The following STARD10 variants were observed in gnomAD, a reference collection of about 807,000 sequenced individuals.
STARD10 encodes the protein StAR related lipid transfer domain containing 10, also known as START domain-containing protein 10.
A neutral mutation model predicts 36.0 loss-of-function variants in STARD10; 24 were observed. The ratio of observed to expected loss-of-function variants is 0.67; its 90% CI spans 0.48 to 0.94. The LOEUF is 0.94. Among genes scored for constraint, STARD10 ranks in the 40% least tolerant of loss-of-function variants. STARD10 has a pLI of 0.00. For missense variants in STARD10, 335 were observed against 396.6 expected (o/e 0.84, Z 1.32); for synonymous variants, 156 against 161.9 (o/e 0.96, Z 0.28).
intron 4 of STARD10, 52 bp downstream of exon 4, chr11:72,758,478 C>T (rs969562182): frequency 4.2e-5 from 62 of 1,476,012 alleles, no homozygotes; most frequent in Non-Finnish European, 5.1e-5. Flanking sequence ...CTCAGCCTTG[C>T]GCTGCCTGAC....
chr11:72,786,369 G>GA (rs376041069), intron 1 of STARD10, among the ~76,000 whole-genome samples: 4 of 151,488 alleles, frequency 2.6e-5, no homozygotes, highest in African/African-American at 7.3e-5. Flanking sequence ...AAAAAAAAAG[G>GA]AAAAAAAAGG....
chr11:72,755,009 T>A lies in STARD10; in HGVS notation c.764A>T (p.Gln255Leu). 7 of 1,613,230 alleles carry A rather than the reference T, an allele frequency of 4.3e-6. No homozygotes were observed. The highest frequency in any genetic ancestry group is 5.1e-6 in the Non-Finnish European group (6 of 1,179,752). ...GATGTTCTCCAGTGAGTCCGCATGCTGCACCGACAGCTCCGACAGCGCCAG... is the reference window on the plus strand; with the variant it reads ...GATGTTCTCCAGTGAGTCCGCATGCAGCACCGACAGCTCCGACAGCGCCAG... ...PSLALSELSV[Q>L]HADSLENIDE... Residue 255 changes from glutamine to leucine, a missense_variant, in exon 7 of 7, where the codon CAG (glutamine) becomes CTG (leucine). By Grantham distance (113) the Gln-to-Leu change is moderately radical. Coordinates refer to ENST00000334805, the MANE Select transcript of STARD10 (RefSeq NM_006645.3).
chr11:72,755,767 G>C lies in STARD10; in HGVS notation c.578-14C>G, dbSNP rs1489355846. The C allele has an allele frequency of 6.2e-7, 1 of 1,607,814 alleles. No individual in the cohort carries two copies. The highest frequency in any genetic ancestry group is 2.2e-5 in the East Asian group (1 of 44,792). The stretch of plus-strand genomic sequence containing the variant: ...TGGGTAAGGAGCCTGTGAGGGCAGG[G>C]AAGGGAGGAAGCAGCCTCAGGGACC... On this transcript the variant is annotated splice_polypyrimidine_tract_variant and intron_variant, in intron 5 of 6. Coordinates refer to ENST00000334805, the MANE Select transcript of STARD10 (RefSeq NM_006645.3).
chr11:72,760,409 G>A (rs1459213470), intron 2 of STARD10, among the ~76,000 whole-genome samples: 1 of 151,986 alleles, frequency 6.6e-6, no homozygotes, highest in Admixed American at 6.6e-5. Flanking sequence ...TGTATTTTTA[G>A]TAGAGACGGG....
At chr11:72,789,198 T>C (rs1859112044) in intron 1 of STARD10, among the ~76,000 whole-genome samples, 1 of 152,168 alleles carries the variant, frequency 6.6e-6, no homozygotes, top group South Asian at 2.1e-4. Flanking sequence ...GTCATGACAA[T>C]GAGGATGAAG....
rs1591261479 is a variant in STARD10, at chr11:72,754,819, G to C, written c.*78C>G. On this transcript the variant is annotated 3_prime_UTR_variant, in exon 7 of 7. Coordinates refer to ENST00000334805, the MANE Select transcript of STARD10 (RefSeq NM_006645.3). ...CCGGTGCCACCAGGTGCCGGGTGGG[G>C]GAGGGGAGAAAGTGCAGGAGCGGCC... 6.5e-7 allele frequency: 1 copy of C among 1,539,046 alleles called. No individual in the cohort carries two copies. Among genetic ancestry groups the C allele is most frequent in the East Asian group, 2.4e-5 (1 of 41,704 alleles).
chr11:72,782,977 T>A (rs934566329), intron 1 of STARD10, among the ~76,000 whole-genome samples: 3 of 152,256 alleles, frequency 2.0e-5, no homozygotes, highest in Non-Finnish European at 4.4e-5. Context: ...CGCTGCCTCC[T>A]CCTCTCTGGT....
chr11:72,768,139 CA>C (rs755518518), intron 2 of STARD10, among the ~76,000 whole-genome samples: 14 of 152,258 alleles, frequency 9.2e-5, no homozygotes, highest in Non-Finnish European at 1.9e-4. Flanking sequence ...TCTACCCTCA[CA>C]GCCCACAGCC....
chr11:72,756,830 G>T (rs116175338), intron 5 of STARD10, among the ~76,000 whole-genome samples: 48,137 of 151,650 alleles, frequency 0.32, 8,740 homozygotes, highest in African/African-American at 0.48. Flanking sequence ...GAACTGCCGA[G>T]GAGGAGGCAG....
At chr11:72,755,197 C>G in intron 6 of STARD10, 55 bp from the exon 7 acceptor site, 4 of 1,544,046 alleles carry the variant, frequency 2.6e-6, no homozygotes, top group Non-Finnish European at 3.5e-6. Flanking sequence ...AGGTCTTCTC[C>G]ACACCCCCCT....
intron 2 of STARD10, among the ~76,000 whole-genome samples, chr11:72,768,247 GC>G (rs556748888): frequency 1.1e-3 from 163 of 152,206 alleles, no homozygotes; most frequent in Non-Finnish European, 1.8e-3. Context: ...CAGCGCCAGT[GC>G]CCCTCTGCTC....
chr11:72,792,552 G>T (rs927262356), intron 1 of STARD10, among the ~76,000 whole-genome samples: 7 of 151,982 alleles, frequency 4.6e-5, no homozygotes, highest in African/African-American at 1.7e-4. Context: ...AAGGGTCAGA[G>T]AAAAGTCCCC....
At position 72,793,746 on chromosome 11, in the gene STARD10, G is replaced by A. The variant is rs1291616350; in HGVS notation, c.-985C>T. The A allele has an allele frequency of 6.6e-6, 1 of 152,178 alleles. No homozygotes were observed. Among genetic ancestry groups the A allele is most frequent in the Non-Finnish European group, 1.5e-5 (1 of 68,018 alleles). 9.4% of individuals were successfully genotyped at this position (152,178 alleles called of 1,614,324 possible). On this transcript the variant is annotated 5_prime_UTR_variant, in exon 1 of 7. Coordinates refer to ENST00000334805, the MANE Select transcript of STARD10 (RefSeq NM_006645.3). ...GTGTTTACAGCGGCCGCGAAGCCCC[G>A]CGTTTGCGCGTGCGCTTCCCGCCCG...
intron 2 of STARD10, among the ~76,000 whole-genome samples, chr11:72,761,927 T>C (rs1269328535): frequency 7.5e-6 from 1 of 133,216 alleles, no homozygotes; most frequent in Non-Finnish European, 1.6e-5. Context: ...CTTTTTTTTT[T>C]TTTTTTTTTT....
At chr11:72,780,859 C>G in intron 2 of STARD10, 116 bp downstream of exon 2, 1 of 1,119,202 alleles carries the variant, frequency 8.9e-7, no homozygotes, top group Non-Finnish European at 1.3e-6. Context: ...TGGAAGGAGA[C>G]TCTCTCTGGG....
At chr11:72,760,195 C>T (rs904557153) in intron 2 of STARD10, among the ~76,000 whole-genome samples, 2 of 151,648 alleles carry the variant, frequency 1.3e-5, no homozygotes, top group African/African-American at 4.9e-5. Flanking sequence ...GCCACCACAC[C>T]CGGCCTGGAT....
At position 72,781,091 on chromosome 11, in the gene STARD10, G is replaced by A; in HGVS notation, c.91C>T (p.Arg31Cys). The part of the protein sequence containing the change: ...SVQVPDDQDF[R>C]SFRSECEAEV... ...GCCTCACACTCTGACCGGAAGCTGC[G>A]AAAGTCTTGGTCATCGGGCACCTGG... Residue 31 changes from arginine to cysteine, a missense_variant, in exon 2 of 7, where the codon CGC becomes TGC. Coordinates refer to ENST00000334805, the MANE Select transcript of STARD10 (RefSeq NM_006645.3). The surrounding 1 kb of genome is among the most constrained non-coding windows in gnomAD (Gnocchi z 4.7). 1.2e-6 allele frequency: 2 copies of A among 1,614,054 alleles called. No homozygotes were observed. Among genetic ancestry groups the A allele is most frequent in the Non-Finnish European group, 1.7e-6 (2 of 1,180,036 alleles).
intron 2 of STARD10, among the ~76,000 whole-genome samples, chr11:72,769,711 A>G (rs1416510940): frequency 6.6e-6 from 1 of 152,236 alleles, no homozygotes; most frequent in Non-Finnish European, 1.5e-5. Context: ...AAAAAAATAT[A>G]AAATAAGAAA....
intron 2 of STARD10, chr11:72,780,161 G>C (rs1307686304): frequency 1.1e-5 from 5 of 449,084 alleles, no homozygotes; most frequent in African/African-American, 1.0e-4. Context: ...TTAAACCAGA[G>C]TCTTCACGAG....
Sources: allele counts gnomAD v4.1 joint callset (sites outside exome capture counted in the v4.1 genomes callset), GRCh38; gene constraint gnomAD v4.1.1; non-coding constraint Gnocchi (gnomAD v3.1); transcripts MANE v1.5; gene names NCBI Gene and HGNC (gene_info 2026-07-23, HGNC 2026-07-21).